CSRNP3: variants seen among roughly 807,000 people sequenced by gnomAD.
The protein encoded by CSRNP3 is cysteine and serine rich nuclear protein 3, also known as cysteine/serine-rich nuclear protein 3.
A neutral mutation model predicts 48.0 loss-of-function variants in CSRNP3; 12 were observed. The ratio of observed to expected loss-of-function variants is 0.25; its 90% CI spans 0.16 to 0.41. The LOEUF is 0.41. CSRNP3 is among the 10% of genes least tolerant of loss of function. CSRNP3 has a pLI of 1.00. For synonymous variants in CSRNP3, 263 were observed against 269.7 expected (o/e 0.98, Z 0.24); for missense variants, 580 against 724.4 (o/e 0.80, Z 2.29).
chr2:165,542,754 G>T (rs138201355), intron 3 of CSRNP3, among the ~76,000 whole-genome samples: 44 of 152,148 alleles, frequency 2.9e-4, no homozygotes, highest in Non-Finnish European at 5.3e-4. Flanking sequence ...GATAAGAAAT[G>T]CCAAATCAAT....
In CSRNP3 at chr2:165,494,744, C is replaced by T. The variant is rs562832103; in HGVS notation, c.-282-15C>T. 1.5e-5 allele frequency: 3 copies of T among 193,770 alleles called. No homozygotes were observed. In the South Asian group the frequency reaches 4.2e-4, roughly 27 times the overall value. The allele number at this position is 193,770 out of a possible 1,614,324, so 12.0% of individuals were successfully genotyped here. On this transcript the variant is annotated splice_polypyrimidine_tract_variant and intron_variant, in intron 1 of 6. Transcript: ENST00000651982. ...CAAATATTTCAATGCTTCATTGCTC[C>T]TGTTCCTGTTACAGGTACATGTGAC...
intron 3 of CSRNP3, among the ~76,000 whole-genome samples, chr2:165,554,560 G>A (rs1009611003): frequency 6.6e-6 from 1 of 152,160 alleles, no homozygotes; most frequent in African/African-American, 2.4e-5. Flanking sequence ...GGACAGGTGA[G>A]GATCCTTGGA....
chr2:165,562,816 T>G (rs967152941), intron 3 of CSRNP3, among the ~76,000 whole-genome samples: 1 of 152,150 alleles, frequency 6.6e-6, no homozygotes, highest in Admixed American at 6.6e-5. Flanking sequence ...TAATAAGGCA[T>G]AGTGTCATAA....
intron 4 of CSRNP3, among the ~76,000 whole-genome samples, chr2:165,612,151 G>A (rs1235485712): frequency 6.6e-6 from 1 of 151,860 alleles, no homozygotes; most frequent in Non-Finnish European, 1.5e-5. Flanking sequence ...TCTTTGAAAC[G>A]TTATTTTTGT....
At chr2:165,511,755 T>C (rs1684509197) in intron 2 of CSRNP3, among the ~76,000 whole-genome samples, 1 of 152,070 alleles carries the variant, frequency 6.6e-6, no homozygotes, top group African/African-American at 2.4e-5. Context: ...TCAAAGAAAG[T>C]GTGATAAGAT....
At chr2:165,492,215 T>C (rs991495171) in intron 1 of CSRNP3, among the ~76,000 whole-genome samples, 27 of 152,190 alleles carry the variant, frequency 1.8e-4, no homozygotes, top group Non-Finnish European at 2.6e-4. Context: ...TTCTTTATTG[T>C]AGACCCTCTG....
At chr2:165,539,328 C>T (rs1172301418) in intron 3 of CSRNP3, among the ~76,000 whole-genome samples, 1 of 151,922 alleles carries the variant, frequency 6.6e-6, no homozygotes, top group East Asian at 1.9e-4. Context: ...CCAGCTAGTA[C>T]ACTGAATTTT....
At position 165,603,686 on chromosome 2, in the gene CSRNP3, C is replaced by T. The variant is rs57172873; in HGVS notation, c.148+8473C>T. Among the ~76,000 whole-genome samples, 325 of 152,224 alleles carry T rather than the reference C, an allele frequency of 2.1e-3. 1 individual carries two copies. The highest frequency in any genetic ancestry group is 7.4e-3 in the African/African-American group (309 of 41,534). On this transcript the variant is annotated intron_variant, in intron 4 of 6. Transcript: ENST00000651982. Reference sequence around the variant, plus strand: ...TTCACCACTTTCCTGCCATGTTCTTCACTCTATATCCATTTTTTATTCAAA... The same window carrying T: ...TTCACCACTTTCCTGCCATGTTCTTTACTCTATATCCATTTTTTATTCAAA...
rs1483266933 is a variant in CSRNP3 at position 165,571,859 on chromosome 2, T to C, written c.-23-23184T>C. On this transcript the variant is annotated intron_variant, in intron 3 of 6. Coordinates refer to ENST00000651982, the MANE Select transcript of CSRNP3 (RefSeq NM_001172173.2). ...TATCTATTTTTATTCACATATAGTA[T>C]CTTTTAGTGATTGAGATTTTAATTG... 2.0e-5 allele frequency among the ~76,000 whole-genome samples: 3 copies of C among 152,078 alleles called. No individual in the cohort carries two copies. The East Asian group carries it at 5.8e-4, about 29-fold the overall frequency.
chr2:165,662,384 C>T (rs576553677), intron 5 of CSRNP3, among the ~76,000 whole-genome samples: 2 of 152,138 alleles, frequency 1.3e-5, no homozygotes, highest in South Asian at 4.2e-4. Context: ...TGTCTATAAA[C>T]AACTAATAGA....
intron 2 of CSRNP3, among the ~76,000 whole-genome samples, chr2:165,512,170 C>T (rs1031778187): frequency 6.6e-6 from 1 of 151,990 alleles, no homozygotes; most frequent in Admixed American, 6.6e-5. Context: ...GGCTTTATAC[C>T]CTGTTGATCT....
chr2:165,485,209 T>C (rs1684097149), intron 1 of CSRNP3, among the ~76,000 whole-genome samples: 1 of 152,210 alleles, frequency 6.6e-6, no homozygotes, highest in African/African-American at 2.4e-5. Flanking sequence ...TACATAATCA[T>C]ACAATTCAAT....
intron 1 of CSRNP3, among the ~76,000 whole-genome samples, chr2:165,480,183 A>T (rs1375476940): frequency 6.6e-6 from 1 of 152,164 alleles, no homozygotes; most frequent in Non-Finnish European, 1.5e-5. Flanking sequence ...TCTCTCTCTC[A>T]TCGAATCCCT....
chr2:165,660,708 C>T (rs964797615), intron 5 of CSRNP3, among the ~76,000 whole-genome samples: 1 of 152,160 alleles, frequency 6.6e-6, no homozygotes, highest in African/African-American at 2.4e-5. Flanking sequence ...AGCCAAAAGA[C>T]CACTCTATTA....
intron 3 of CSRNP3, among the ~76,000 whole-genome samples, chr2:165,534,729 T>C (rs1191138410): frequency 6.6e-6 from 1 of 151,732 alleles, no homozygotes; most frequent in African/African-American, 2.4e-5. Context: ...AAATATTAAG[T>C]GAAAAAAGAA....
At chr2:165,636,933 T>C (rs1276434450) in intron 4 of CSRNP3, among the ~76,000 whole-genome samples, 4 of 152,198 alleles carry the variant, frequency 2.6e-5, no homozygotes, top group African/African-American at 9.6e-5. Context: ...GGTTGACCTC[T>C]ATGGAAGACA....
In CSRNP3 at chr2:165,474,184, GT is replaced by G. The variant is rs369458580; in HGVS notation, c.-283+4449del. Among the ~76,000 whole-genome samples, 40 of 152,020 alleles carry G rather than the reference GT, an allele frequency of 2.6e-4. 1 individual carries two copies. The East Asian group carries it at 7.5e-3, about 29-fold the overall frequency. ...AAAATCACCAACACTATCAAATGTA[GT>G]TTTTAAATTTATATTTTTTTATTTT... is the stretch of plus-strand genomic sequence containing the variant. On this transcript the variant is annotated intron_variant, in intron 1 of 6. Transcript: ENST00000651982.
chr2:165,608,773 A>C (rs1342904702), intron 4 of CSRNP3, among the ~76,000 whole-genome samples: 1 of 79,116 alleles, frequency 1.3e-5, no homozygotes, highest in Non-Finnish European at 2.7e-5. Context: ...TCTGGTAGTT[A>C]AAAATGTAAA....
intron 4 of CSRNP3, among the ~76,000 whole-genome samples, chr2:165,606,011 G>A (rs1323032563): frequency 6.6e-6 from 1 of 151,920 alleles, no homozygotes; most frequent in African/African-American, 2.4e-5. Context: ...AGAAGTAAGA[G>A]TCTGTTCCAG....
Sources: allele counts gnomAD v4.1 joint callset (sites outside exome capture counted in the v4.1 genomes callset), GRCh38; gene constraint gnomAD v4.1.1; transcripts MANE v1.5; gene names NCBI Gene and HGNC (gene_info 2026-07-23, HGNC 2026-07-21).